ERBB2: variants seen among roughly 807,000 people sequenced by gnomAD.
ERBB2 encodes the protein erb-b2 receptor tyrosine kinase 2.
A neutral mutation model predicts 149.0 loss-of-function variants in ERBB2; 61 were observed. The ratio of observed to expected loss-of-function variants is 0.41; its 90% CI spans 0.33 to 0.51. The LOEUF is 0.51. ERBB2 is among the 20% of genes least tolerant of loss of function. ERBB2 has a pLI of 0.25. For missense variants in ERBB2, 1,205 were observed against 1,655.1 expected, an observed-to-expected ratio of 0.73 and a Z score of 4.72; for synonymous variants, 633 against 678.8, an observed-to-expected ratio of 0.93 and a Z score of 1.05.
At position 39,708,441 on chromosome 17, in the gene ERBB2, G is replaced by A. The variant is rs1256572460; in HGVS notation, c.346G>A (p.Val116Met). The change falls in exon 3 of 27, where the codon GTG becomes ATG. Residue 116 changes from valine (V) to methionine (M), a missense_variant. Around this residue, in one of 6 missense-constraint regions of ERBB2, gnomAD observed 569 missense variants for 803.5 expected, o/e 0.71. Transcript: ENST00000269571. ...CTTTGAGGACAACTATGCCCTGGCC[G>A]TGCTAGACAATGGAGACCCGCTGAA... ...QLFEDNYALA[V>M]LDNGDPLNNT... 18 of 1,614,066 alleles carry A rather than the reference G, an allele frequency of 1.1e-5. No homozygotes were observed. Among genetic ancestry groups the A allele is most frequent in the East Asian group, 4.5e-5 (2 of 44,886 alleles).
rs2145799238 is a variant in ERBB2 at position 39,723,272 on chromosome 17, C to T, written c.1947-47C>T. ...CCCCCGTGGGCCCCCTTTGTCCCTC[C>T]CACCCCAAACTAGCCCTCAATCCCT... On this transcript the variant is annotated intron_variant, in intron 16 of 26. Coordinates refer to ENST00000269571, the MANE Select transcript of ERBB2 (RefSeq NM_004448.4). This position sits in a 1 kb window ranked among gnomAD's most constrained non-coding sequence, Gnocchi z 6.2. 1 of 1,600,400 alleles carries T rather than the reference C, an allele frequency of 6.2e-7. No individual in the cohort carries two copies. The highest frequency in any genetic ancestry group is 8.5e-7 in the Non-Finnish European group (1 of 1,170,240).
chr17:39,694,245 ATATATATATATATATATATATATGTG>A (rs2057792491), upstream of ERBB2, among the ~76,000 whole-genome samples: 2 of 41,650 alleles, frequency 4.8e-5, no homozygotes, highest in Non-Finnish European at 9.8e-5. Flanking sequence ...ATATATATAT[ATATATATATATATATATATATATGTG>A]TGTATATATA....
intron 16 of ERBB2, among the ~76,000 whole-genome samples, chr17:39,720,990 C>G (rs557909846): frequency 1.1e-4 from 16 of 152,234 alleles, no homozygotes; most frequent in Non-Finnish European, 2.4e-4. Flanking sequence ...CAGGGTCTTG[C>G]TCTCTTGTCC....
At chr17:39,716,462 G>A (rs942930768) in intron 13 of ERBB2, 29 bp downstream of exon 13, 1 of 1,613,088 alleles carries the variant, frequency 6.2e-7, no homozygotes, top group African/African-American at 1.3e-5. Flanking sequence ...AGGGTGGCTG[G>A]AGGGGTGCAT....
At chr17:39,688,132 AAATT>A in exon 1 of ERBB2, 1 of 1,012,450 alleles carries the variant, frequency 9.9e-7, no homozygotes, top group Admixed American at 4.2e-5. Flanking sequence ...CACACAGTTT[AAATT>A]AAAGTTCCCG....
upstream of ERBB2, among the ~76,000 whole-genome samples, chr17:39,697,685 TTC>T (rs2057899081): frequency 2.0e-5 from 3 of 151,744 alleles, no homozygotes; most frequent in South Asian, 6.2e-4. Flanking sequence ...TTCAATTCCT[TTC>T]TCTCTCTTGC....
chr17:39,706,256 G>A (rs2058432198), intron 1 of ERBB2, among the ~76,000 whole-genome samples: 1 of 152,358 alleles, frequency 6.6e-6, no homozygotes, highest in African/African-American at 2.4e-5. Flanking sequence ...TGGTTCTGGA[G>A]TCTTGCCCTG....
At chr17:39,718,624 C>T (rs974648752) in intron 15 of ERBB2, among the ~76,000 whole-genome samples, 4 of 152,016 alleles carry the variant, frequency 2.6e-5, no homozygotes, top group Admixed American at 2.0e-4. Context: ...ATAGCGAGAC[C>T]CCGTCTCTAC....
At position 39,724,024 on chromosome 17, in the gene ERBB2, C is replaced by T. The variant is rs1400546371; in HGVS notation, c.2307+14C>T. 3 of 1,587,248 alleles carry T rather than the reference C, an allele frequency of 1.9e-6. No homozygotes were observed. Among genetic ancestry groups the T allele is most frequent in the Non-Finnish European group, 1.7e-6 (2 of 1,157,992 alleles). On this transcript the variant is annotated intron_variant, in intron 19 of 26. Transcript: ENST00000269571. ...GAAATCTTAGACGTAAGCCCCTCCACCCTCTCCTGCTAGGAGGACAGGAAG... is the reference window on the plus strand; with the variant it reads ...GAAATCTTAGACGTAAGCCCCTCCATCCTCTCCTGCTAGGAGGACAGGAAG...
chr17:39,707,359 G>A, intron 2 of ERBB2: 2 of 428,374 alleles, frequency 4.7e-6, no homozygotes, highest in Non-Finnish European at 8.2e-6. Context: ...ATGTCTGGAT[G>A]GGATGCGTCT....
At chr17:39,691,906 T>TATAG (rs1567886218), upstream of ERBB2, among the ~76,000 whole-genome samples, 337 of 90,214 alleles carry the variant, frequency 3.7e-3, no homozygotes, top group Non-Finnish European at 3.8e-3. Context: ...TATAGATATA[T>TATAG]ATACATATAC....
chr17:39,715,619 C>A, intron 11 of ERBB2, 83 bp downstream of exon 11: 3 of 1,543,452 alleles, frequency 1.9e-6, no homozygotes, highest in Non-Finnish European at 2.7e-6. Context: ...TGAGGGAGTA[C>A]TCCTGTAGCA....
Position 39,727,892 on chromosome 17 carries a change from C to T in ERBB2, c.3616C>T (p.Gln1206Ter), listed in dbSNP as rs2143308413. The part of the protein sequence containing the change: ...YLTPQGGAAP[Q>*]PHPPPAFSPA... ...GACACCCCAGGGAGGAGCTGCCCCTCAGCCCCACCCTCCTCCTGCCTTCAG... is the reference window on the plus strand; with the variant it reads ...GACACCCCAGGGAGGAGCTGCCCCTTAGCCCCACCCTCCTCCTGCCTTCAG... Residue 1206 changes from glutamine to a stop codon, truncating the protein, a stop_gained, in exon 27 of 27, where the codon CAG (glutamine) becomes TAG (stop). Coordinates refer to ENST00000269571, the MANE Select transcript of ERBB2 (RefSeq NM_004448.4). LOFTEE classifies it high-confidence loss of function. This position sits in a 1 kb window ranked among gnomAD's most constrained non-coding sequence, Gnocchi z 4.3. The T allele has an allele frequency of 1.9e-6, 3 of 1,614,170 alleles. No homozygotes were observed. Among genetic ancestry groups the T allele is most frequent in the South Asian group, 2.2e-5 (2 of 91,092 alleles).
chr17:39,718,996 C>T (rs1326636575), intron 15 of ERBB2, among the ~76,000 whole-genome samples: 1 of 152,114 alleles, frequency 6.6e-6, no homozygotes, highest in African/African-American at 2.4e-5. Flanking sequence ...CATGGTGGCT[C>T]ACGCCTGTAA....
intron 16 of ERBB2, among the ~76,000 whole-genome samples, chr17:39,720,945 G>C (rs1470837702): frequency 6.6e-6 from 1 of 152,158 alleles, no homozygotes; most frequent in African/African-American, 2.4e-5. Flanking sequence ...ACCGTGCCCA[G>C]CCAGATACGC....
chr17:39,718,309 A>G (rs1433269101), intron 15 of ERBB2, among the ~76,000 whole-genome samples: 1 of 152,220 alleles, frequency 6.6e-6, no homozygotes, highest in African/African-American at 2.4e-5. Flanking sequence ...TTTCAGTAAC[A>G]TAAAAGTATA....
At chr17:39,694,307 A>ATATACACACACACATATATATGTG (rs1567888385), upstream of ERBB2, among the ~76,000 whole-genome samples, 2 of 122,460 alleles carry the variant, frequency 1.6e-5, no homozygotes, top group Non-Finnish European at 3.4e-5. Context: ...ATATGTGTAT[A>ATATACACACACACATATATATGTG]TATATATACA....
upstream of ERBB2, among the ~76,000 whole-genome samples, chr17:39,691,957 A>ATATATATATCTC (rs964668266): frequency 4.1e-5 from 6 of 145,356 alleles, no homozygotes; most frequent in African/African-American, 1.5e-4. Flanking sequence ...ATATATATAT[A>ATATATATATCTC]TCTCTTGTGT....
rs4252600 is a variant in ERBB2 at position 39,700,729 on chromosome 17, G to C, written c.73+418G>C. On this transcript the variant is annotated intron_variant, in intron 1 of 26. Coordinates refer to ENST00000269571, the MANE Select transcript of ERBB2 (RefSeq NM_004448.4). ...GGACTGGCCTGGGCTGGATTCCTTG[G>C]GGGGGTCCTCTGCCCTGCCCCTCCT... 7.6e-3 allele frequency among the ~76,000 whole-genome samples: 1,158 copies of C among 152,210 alleles called. 9 individuals are homozygous for C. Among genetic ancestry groups the C allele is most frequent in the African/African-American group, 0.026 (1,084 of 41,544 alleles).
Sources: gnomAD v4.1 joint callset for allele counts (sites outside exome capture counted in the v4.1 genomes callset) on GRCh38, gnomAD v4.1.1 for gene constraint, gnomAD v4.1.1 regional missense constraint, Gnocchi (gnomAD v3.1) non-coding constraint, MANE v1.5 for transcripts, NCBI Gene and HGNC (gene_info 2026-07-23, HGNC 2026-07-21) for gene names.